SLC12A5: variants seen among roughly 807,000 people sequenced by gnomAD.
The protein encoded by SLC12A5 is K-Cl cotransporter 2.
A neutral mutation model predicts 124.0 loss-of-function variants in SLC12A5; 18 were observed. The observed-to-expected ratio is 0.15, with a 90% confidence interval of 0.10 to 0.22. The LOEUF (loss-of-function observed/expected upper bound fraction) is 0.22, where lower values mean the gene tolerates loss of function less well. SLC12A5 is among the 10% of genes least tolerant of loss of function. The pLI, the probability that SLC12A5 is intolerant of heterozygous loss-of-function variation, is 1.00. For synonymous variants in SLC12A5, 589 were observed against 568.0 expected, an observed-to-expected ratio of 1.04 and a Z score of -0.53; for missense variants, 867 against 1,478.7, an observed-to-expected ratio of 0.59 and a Z score of 6.78.
intron 1 of SLC12A5, chr20:46,022,019 G>C: frequency 9.0e-7 from 1 of 1,116,756 alleles, no homozygotes; most frequent in Non-Finnish European, 1.2e-6. Context: ...GCCTGAGAGG[G>C]GAATGGAGCC....
upstream of SLC12A5, among the ~76,000 whole-genome samples, chr20:46,025,958 T>G (rs1017117608): frequency 6.6e-6 from 1 of 152,120 alleles, no homozygotes; most frequent in Admixed American, 6.6e-5. Flanking sequence ...GCCTGCCTCC[T>G]GTGAAAAGAG....
At chr20:46,032,783 T>C (rs1056625668) in intron 1 of SLC12A5, among the ~76,000 whole-genome samples, 2 of 152,200 alleles carry the variant, frequency 1.3e-5, no homozygotes, top group African/African-American at 2.4e-5. Context: ...CACACCATGA[T>C]GTGCTGAGAA....
At chr20:46,040,008 C>G (rs2084532093) in intron 6 of SLC12A5, among the ~76,000 whole-genome samples, 1 of 152,124 alleles carries the variant, frequency 6.6e-6, no homozygotes, top group African/African-American at 2.4e-5. Flanking sequence ...CTTCCAGCAT[C>G]CTTGCAATGT....
intron 1 of SLC12A5, among the ~76,000 whole-genome samples, chr20:46,031,031 C>T (rs1054166744): frequency 2.6e-5 from 4 of 152,154 alleles, no homozygotes; most frequent in African/African-American, 4.8e-5. Flanking sequence ...TCTTTCCATC[C>T]GGGATCCCCT....
chr20:46,029,652 G>A (rs377289533), intron 1 of SLC12A5, among the ~76,000 whole-genome samples: 1 of 152,202 alleles, frequency 6.6e-6, no homozygotes, highest in Non-Finnish European at 1.5e-5. Context: ...GGCTGACTTG[G>A]GTTAGCTAAA....
At chr20:46,034,927 C>G (rs2084483596) in intron 1 of SLC12A5, 21 bp from the exon 2 acceptor site, 1 of 1,612,420 alleles carries the variant, frequency 6.2e-7, no homozygotes, top group South Asian at 1.1e-5. Flanking sequence ...TTCCAGATCC[C>G]TGACCCCTCT....
At chr20:46,044,880 A>T (rs1235857631) in intron 11 of SLC12A5, 86 bp from the exon 12 acceptor site, 3 of 1,488,058 alleles carry the variant, frequency 2.0e-6, no homozygotes, top group Non-Finnish European at 2.8e-6. Context: ...GCAGGCACAC[A>T]GTTGGTTCTG....
chr20:46,057,382 T>C lies in SLC12A5; in HGVS notation c.3259+79T>C. 2.5e-6 allele frequency: 4 copies of C among 1,610,080 alleles called. No individual in the cohort carries two copies. Among genetic ancestry groups the C allele is most frequent in the Non-Finnish European group, 3.4e-6 (4 of 1,176,514 alleles). On this transcript the variant is annotated intron_variant, in intron 25 of 25. Transcript: ENST00000243964. This position sits in a 1 kb window ranked among gnomAD's most constrained non-coding sequence, Gnocchi z 7.1. The stretch of plus-strand genomic sequence containing the variant: ...GGTCCTGTCCCTGGGATGGAAGAGC[T>C]GAGCTGTTCCTGCCTCCGGATCAGC...
chr20:46,024,017 T>C (rs1266654741), downstream of SLC12A5, among the ~76,000 whole-genome samples: 1 of 152,186 alleles, frequency 6.6e-6, no homozygotes, highest in Non-Finnish European at 1.5e-5. Context: ...ATTGCTGTTT[T>C]CCCATTCACA....
chr20:46,047,751 G>A (rs1053600344), intron 15 of SLC12A5, among the ~76,000 whole-genome samples, 178 bp downstream of exon 15: 10 of 152,048 alleles, frequency 6.6e-5, no homozygotes, highest in Non-Finnish European at 1.2e-4. Context: ...GATGGGGGGT[G>A]GGAGCAGAGG....
At chr20:46,034,200 C>G (rs2145480741) in intron 1 of SLC12A5, among the ~76,000 whole-genome samples, 1 of 152,322 alleles carries the variant, frequency 6.6e-6, no homozygotes, top group East Asian at 1.9e-4. Flanking sequence ...GCCTGGAACA[C>G]CCTCCCTTCC....
exon 2 of SLC12A5, chr20:46,022,943 G>GGGAAGAGGAGGAGGAGGAGGA: frequency 2.8e-6 from 1 of 363,402 alleles, no homozygotes; most frequent in Admixed American, 5.1e-5. Context: ...CCCCAGCGAG[G>GGGAAGAGGAGGAGGAGGAGGA]GGAGGAGGAG....
chr20:46,022,210 G>C lies in SLC12A5; in HGVS notation c.48+324G>C, dbSNP rs113006547. Reference sequence around the variant, plus strand: ...GGGTCAAGGTGGAGAGTAGGCCGTAGGGCACTAAAGGGGCGGGGACATCTC... The same window carrying C: ...GGGTCAAGGTGGAGAGTAGGCCGTACGGCACTAAAGGGGCGGGGACATCTC... On this transcript the variant is annotated intron_variant, in intron 1 of 2. Coordinates refer to the SLC12A5 transcript ENST00000413737. 235 of 255,788 alleles carry C rather than the reference G, an allele frequency of 9.2e-4. 1 individual carries two copies. The highest frequency in any genetic ancestry group is 5.2e-3 in the African/African-American group (229 of 44,160). The allele number at this position is 255,788 out of a possible 1,614,324, so 15.8% of individuals were successfully genotyped here. A position where few individuals can be genotyped will look rare whatever the true frequency, so the allele number is the denominator to read the frequency against.
intron 1 of SLC12A5, among the ~76,000 whole-genome samples, chr20:46,029,889 TGCGCGC>T (rs1160981762): frequency 1.3e-5 from 1 of 75,344 alleles, no homozygotes; most frequent in Non-Finnish European, 2.9e-5. Context: ...TGTGTGTGTG[TGCGCGC>T]GCGTGCGTAT....
rs202018911 is a variant in SLC12A5, at chr20:46,056,582, A to C, written c.3110+18A>C. 83 of 1,610,174 alleles carry C rather than the reference A, an allele frequency of 5.2e-5. No individual in the cohort carries two copies. Among genetic ancestry groups the C allele is most frequent in the Non-Finnish European group, 6.9e-5 (81 of 1,177,790 alleles). On this transcript the variant is annotated intron_variant, in intron 23 of 25. Coordinates refer to ENST00000243964, the MANE Select transcript of SLC12A5 (RefSeq NM_020708.5). The surrounding 1 kb of genome is among the most constrained non-coding windows in gnomAD (Gnocchi z 4.3). ...ATGAAGCCGTACGGGCCTGGGGGCT[A>C]AGGGCTGGGGGCTGGGGTGAGCTAA...
upstream of SLC12A5, chr20:46,028,999 G>A: frequency 4.1e-6 from 2 of 490,400 alleles, no homozygotes; most frequent in Non-Finnish European, 5.8e-6. Flanking sequence ...TCCCACCCAC[G>A]CAATCCCCCA....
intron 18 of SLC12A5, 30 bp downstream of exon 18, chr20:46,051,900 AGGGGTG>A: frequency 4.5e-6 from 1 of 221,776 alleles, no homozygotes. Context: ...GGGACAGAAG[AGGGGTG>A]GGGCTGGGGG....
intron 4 of SLC12A5, among the ~76,000 whole-genome samples, chr20:46,036,406 G>A (rs981725254): frequency 3.3e-5 from 5 of 152,182 alleles, no homozygotes; most frequent in African/African-American, 4.8e-5. Flanking sequence ...ACGCAGTGTC[G>A]GAGCTGTTAC....
At chr20:46,029,917 C>T (rs11470074) in intron 1 of SLC12A5, among the ~76,000 whole-genome samples, 138 of 143,776 alleles carry the variant, frequency 9.6e-4, no homozygotes, top group Middle Eastern at 7.0e-3. Context: ...TGTGTGTGTG[C>T]GTGTGTGTGT....
Sources: allele counts gnomAD v4.1 joint callset (sites outside exome capture counted in the v4.1 genomes callset), GRCh38; gene constraint gnomAD v4.1.1; non-coding constraint Gnocchi (gnomAD v3.1); transcripts MANE v1.5; gene names NCBI Gene and HGNC (gene_info 2026-07-23, HGNC 2026-07-21).